Variants in DIP2B observed in about 807,000 individuals in gnomAD.
DIP2B encodes DIP2 acetate--CoA ligase B (putative).
DIP2B carries 76 observed loss-of-function variants against 198.0 expected under a neutral mutation model. The observed-to-expected ratio is 0.38, with a 90% CI of 0.32 to 0.46. The LOEUF is 0.46. Ranked by LOEUF, DIP2B falls within the 20% of genes least tolerant of loss-of-function variation. The probability of loss-of-function intolerance (pLI) is 0.99; values close to 1 mark genes in which losing one functional copy is unlikely to be tolerated. For missense variants in DIP2B, 1,559 were observed against 1,978.4 expected, an observed-to-expected ratio of 0.79 and a Z score of 4.02; for synonymous variants, 701 against 739.1, an observed-to-expected ratio of 0.95 and a Z score of 0.84.
chr12:50,660,231 G>A lies in DIP2B; in HGVS notation c.339G>A (p.Lys113=). The A allele has an allele frequency of 1.9e-6, 3 of 1,612,740 alleles. No individual in the cohort carries two copies. Among genetic ancestry groups the A allele is most frequent in the Non-Finnish European group, 2.5e-6 (3 of 1,179,416 alleles). The change falls in exon 4 of 38, where the codon AAG becomes AAA. Residue 113 remains lysine (K), a synonymous_variant. Transcript: ENST00000301180. ...AAGCAGTTCAGGCTGCACTGGCAAA[G>A]CATAAAGAACAGAAGATGGCTTTGC... ...HTEAVQAALA[K]HKEQKMALPM...
intron 35 of DIP2B, among the ~76,000 whole-genome samples, chr12:50,737,473 A>G (rs935501960): frequency 3.3e-5 from 5 of 152,178 alleles, no homozygotes; most frequent in African/African-American, 1.2e-4. Context: ...AAATGTATCC[A>G]TGTTTGCATT....
chr12:50,676,782 A>G (rs1938953940), intron 7 of DIP2B, among the ~76,000 whole-genome samples: 1 of 152,254 alleles, frequency 6.6e-6, no homozygotes, highest in African/African-American at 2.4e-5. Context: ...GTCAGCTTTC[A>G]TGGCAGGAAA....
chr12:50,621,029 G>C (rs1231637900), intron 1 of DIP2B, among the ~76,000 whole-genome samples: 1 of 152,234 alleles, frequency 6.6e-6, no homozygotes, highest in Non-Finnish European at 1.5e-5. Flanking sequence ...TCCATGGGAG[G>C]GGTCTGGGAA....
intron 19 of DIP2B, 145 bp downstream of exon 19, chr12:50,699,347 A>C: frequency 1.6e-6 from 2 of 1,244,442 alleles, no homozygotes; most frequent in Non-Finnish European, 2.2e-6. Flanking sequence ...TCAAATTCTG[A>C]ACTTAGGTCA....
At chr12:50,671,550 C>A in intron 5 of DIP2B, 152 bp downstream of exon 5, 1 of 759,484 alleles carries the variant, frequency 1.3e-6, no homozygotes, top group Non-Finnish European at 2.1e-6. Context: ...AAGATGGAAA[C>A]ACCAGCAATA....
chr12:50,696,071 A>G (rs1279558844), intron 16 of DIP2B, 104 bp downstream of exon 16: 2 of 1,504,918 alleles, frequency 1.3e-6, no homozygotes, highest in Non-Finnish European at 9.0e-7. Context: ...AAACTCACTC[A>G]TTTAAGATGT....
At chr12:50,513,628 C>G (rs1226979255) in intron 1 of DIP2B, among the ~76,000 whole-genome samples, 1 of 152,168 alleles carries the variant, frequency 6.6e-6, no homozygotes, top group Non-Finnish European at 1.5e-5. Flanking sequence ...AATCCCAATA[C>G]TTTGGGAGGC....
intron 22 of DIP2B, among the ~76,000 whole-genome samples, chr12:50,713,363 G>A (rs1939654461): frequency 6.6e-6 from 1 of 152,206 alleles, no homozygotes; most frequent in African/African-American, 2.4e-5. Context: ...TTTTTTAGGA[G>A]CTAACTTTTA....
intron 1 of DIP2B, among the ~76,000 whole-genome samples, chr12:50,573,634 A>G (rs1470094489): frequency 6.6e-6 from 1 of 152,114 alleles, no homozygotes; most frequent in Non-Finnish European, 1.5e-5. Flanking sequence ...GGGCAATTTT[A>G]TTTTTCTAAT....
intron 1 of DIP2B, among the ~76,000 whole-genome samples, chr12:50,562,961 A>G (rs888485311): frequency 2.6e-5 from 4 of 152,140 alleles, no homozygotes; most frequent in Non-Finnish European, 4.4e-5. Flanking sequence ...TTTTAAAACC[A>G]ATATCTCAGT....
At chr12:50,593,997 A>G (rs899881645) in intron 1 of DIP2B, among the ~76,000 whole-genome samples, 2 of 144,088 alleles carry the variant, frequency 1.4e-5, no homozygotes, top group African/African-American at 2.6e-5. Flanking sequence ...CTGGAATGCA[A>G]TGGCGCCATC....
At chr12:50,577,631 T>C (rs1417155271) in intron 1 of DIP2B, among the ~76,000 whole-genome samples, 1 of 151,316 alleles carries the variant, frequency 6.6e-6, no homozygotes, top group Non-Finnish European at 1.5e-5. Context: ...AATACACTTT[T>C]ATATGAGAAA....
intron 1 of DIP2B, among the ~76,000 whole-genome samples, chr12:50,514,522 C>G (rs1284817131): frequency 6.6e-6 from 1 of 152,184 alleles, no homozygotes; most frequent in Non-Finnish European, 1.5e-5. Context: ...AGGTCTGTCC[C>G]TCCATGTTCT....
At chr12:50,584,851 A>G (rs1240176402) in intron 1 of DIP2B, among the ~76,000 whole-genome samples, 4 of 152,150 alleles carry the variant, frequency 2.6e-5, no homozygotes, top group Admixed American at 1.3e-4. Context: ...GGCGTGAACC[A>G]CCGCGCCTGG....
intron 1 of DIP2B, among the ~76,000 whole-genome samples, chr12:50,595,858 A>G (rs1035784822): frequency 6.6e-6 from 1 of 152,124 alleles, no homozygotes; most frequent in African/African-American, 2.4e-5. Context: ...ACCTCCTGGG[A>G]ATATATTGAA....
At chr12:50,648,769 G>T (rs570263924) in intron 3 of DIP2B, among the ~76,000 whole-genome samples, 2 of 151,290 alleles carry the variant, frequency 1.3e-5, no homozygotes, top group African/African-American at 4.9e-5. Flanking sequence ...TGTACCATAG[G>T]TATTTGCCAG....
chr12:50,630,010 C>T (rs1000621416), intron 2 of DIP2B, among the ~76,000 whole-genome samples: 4 of 148,954 alleles, frequency 2.7e-5, no homozygotes, highest in Non-Finnish European at 5.9e-5. Flanking sequence ...AGTGCAGTGG[C>T]GCGATCTCGG....
chr12:50,561,971 G>A (rs1958522922), intron 1 of DIP2B, among the ~76,000 whole-genome samples: 1 of 152,178 alleles, frequency 6.6e-6, no homozygotes, highest in Non-Finnish European at 1.5e-5. Flanking sequence ...TATTCTAGTA[G>A]TAGAATAAGA....
chr12:50,660,587 A>T (rs1938628714), intron 4 of DIP2B, among the ~76,000 whole-genome samples: 1 of 151,988 alleles, frequency 6.6e-6, no homozygotes, highest in Non-Finnish European at 1.5e-5. Context: ...TAATCCCCAG[A>T]CTTATGTAGT....
Sources: gnomAD v4.1 joint callset for allele counts (sites outside exome capture counted in the v4.1 genomes callset) on GRCh38, gnomAD v4.1.1 for gene constraint, MANE v1.5 for transcripts, NCBI Gene and HGNC (gene_info 2026-07-23, HGNC 2026-07-21) for gene names.